The following PDE4D variants were observed in gnomAD, a reference collection of about 807,000 sequenced individuals.
PDE4D encodes 3',5'-cyclic-AMP phosphodiesterase 4D.
In PDE4D, 24 loss-of-function variants were observed where a neutral mutation model predicts 87.4. That is an observed-to-expected ratio of 0.27 (90% confidence interval 0.20 to 0.39). The LOEUF (loss-of-function observed/expected upper bound fraction) is 0.39. Ranked by LOEUF, PDE4D falls within the 10% of genes least tolerant of loss-of-function variation. The pLI, the probability that PDE4D is intolerant of heterozygous loss-of-function variation, is 1.00. For missense variants in PDE4D, 714 were observed against 1,041.0 expected (o/e 0.69, Z 4.32); for synonymous variants, 384 against 383.2 (o/e 1.00, Z -0.02).
chr5:60,233,594 A>G (rs539732598), intron 1 of PDE4D, among the ~76,000 whole-genome samples: 1 of 151,906 alleles, frequency 6.6e-6, no homozygotes, highest in African/African-American at 2.4e-5. Flanking sequence ...ATTTTAACAT[A>G]ATAGAATAGG....
chr5:59,771,555 G>A (rs1763589144), intron 1 of PDE4D, among the ~76,000 whole-genome samples: 1 of 74,992 alleles, frequency 1.3e-5, no homozygotes, highest in African/African-American at 4.8e-5. Context: ...AGAAAGAAAA[G>A]AAAGAATGAT....
intron 1 of PDE4D, among the ~76,000 whole-genome samples, chr5:59,263,885 T>C (rs578242832): frequency 2.0e-4 from 30 of 152,014 alleles, no homozygotes; most frequent in Non-Finnish European, 4.0e-4. Context: ...CTATTTTTAA[T>C]CTGGGTGGTG....
chr5:60,135,220 C>T lies in PDE4D; in HGVS notation c.42+50337G>A, dbSNP rs548275965. On this transcript the variant is annotated intron_variant, in intron 2 of 16. Transcript: ENST00000502484. ...CAACTATAAGGTGCCAACTATGAAC[C>T]AGAAAGCACACCCTCACCAGACATC... Among the ~76,000 whole-genome samples, 3 of 152,296 alleles carry T rather than the reference C, an allele frequency of 2.0e-5. No individual in the cohort carries two copies. In the East Asian group the frequency reaches 5.8e-4, roughly 29 times the overall value.
intron 1 of PDE4D, among the ~76,000 whole-genome samples, chr5:60,441,669 A>C (rs557876279): frequency 6.6e-6 from 1 of 152,296 alleles, no homozygotes; most frequent in South Asian, 2.1e-4. Flanking sequence ...AGTGGGAGAA[A>C]ATTTTTGCAA....
intron 3 of PDE4D, among the ~76,000 whole-genome samples, chr5:59,904,948 G>T (rs1420122028): frequency 6.6e-6 from 1 of 152,100 alleles, no homozygotes; most frequent in East Asian, 1.9e-4. Context: ...GAATTCACAA[G>T]TCACGGCAGA....
At chr5:59,356,657 G>A in intron 1 of PDE4D, 2 of 854,766 alleles carry the variant, frequency 2.3e-6, no homozygotes, top group South Asian at 1.8e-5. Flanking sequence ...AATTTAACAA[G>A]CATTAGGAGT....
intron 1 of PDE4D, among the ~76,000 whole-genome samples, chr5:60,255,370 A>G (rs1328775219): frequency 6.6e-6 from 1 of 151,824 alleles, no homozygotes; most frequent in Non-Finnish European, 1.5e-5. Flanking sequence ...GACCAACACT[A>G]CTAACTCATT....
intron 1 of PDE4D, among the ~76,000 whole-genome samples, chr5:60,218,826 C>G (rs758655970): frequency 5.9e-5 from 9 of 152,032 alleles, no homozygotes; most frequent in Non-Finnish European, 8.8e-5. Flanking sequence ...TTACATGCTC[C>G]TTGAAAATCA....
intron 1 of PDE4D, among the ~76,000 whole-genome samples, chr5:59,273,295 G>T (rs1412149758): frequency 6.6e-6 from 1 of 151,996 alleles, no homozygotes; most frequent in Admixed American, 6.6e-5. Context: ...AAGAAGAGAG[G>T]CCGTTTGGGT....
intron 1 of PDE4D, among the ~76,000 whole-genome samples, chr5:60,389,528 T>C (rs1369227139): frequency 1.3e-5 from 2 of 152,170 alleles, no homozygotes; most frequent in Non-Finnish European, 2.9e-5. Context: ...TAAAACTTAG[T>C]AGCTGAAAGT....
At chr5:60,083,923 C>T (rs1273856404) in intron 2 of PDE4D, among the ~76,000 whole-genome samples, 1 of 152,068 alleles carries the variant, frequency 6.6e-6, no homozygotes, top group Non-Finnish European at 1.5e-5. Context: ...AGCTCTTGAC[C>T]CCATTTAGCT....
chr5:59,917,266 T>G (rs1754169651), intron 3 of PDE4D, among the ~76,000 whole-genome samples: 1 of 152,158 alleles, frequency 6.6e-6, no homozygotes, highest in South Asian at 2.1e-4. Context: ...TTCTGATCTG[T>G]GTCATTAACC....
At chr5:60,109,033 T>A (rs1251623863) in intron 2 of PDE4D, among the ~76,000 whole-genome samples, 1 of 151,866 alleles carries the variant, frequency 6.6e-6, no homozygotes, top group Non-Finnish European at 1.5e-5. Context: ...ACTAAAGAGC[T>A]TCTGCACAGC....
At chr5:59,671,309 A>G (rs1747159373) in intron 1 of PDE4D, among the ~76,000 whole-genome samples, 1 of 152,200 alleles carries the variant, frequency 6.6e-6, no homozygotes, top group Non-Finnish European at 1.5e-5. Context: ...CCATTTGAAA[A>G]AAAATAGTAA....
intron 1 of PDE4D, among the ~76,000 whole-genome samples, chr5:59,631,197 C>T (rs751573473): frequency 3.9e-5 from 6 of 152,104 alleles, no homozygotes; most frequent in Non-Finnish European, 7.4e-5. Context: ...ATTATTACAA[C>T]TGCCATCTTC....
intron 1 of PDE4D, among the ~76,000 whole-genome samples, chr5:60,234,874 A>C (rs1746247774): frequency 6.6e-6 from 1 of 151,828 alleles, no homozygotes; most frequent in South Asian, 2.1e-4. Flanking sequence ...ATTGATGCCA[A>C]AATTACTGAT....
At chr5:59,588,678 G>A (rs1825534672) in intron 1 of PDE4D, among the ~76,000 whole-genome samples, 1 of 152,112 alleles carries the variant, frequency 6.6e-6, no homozygotes, top group African/African-American at 2.4e-5. Flanking sequence ...ATCAAAAGAT[G>A]ATCCTAAAAG....
intron 1 of PDE4D, among the ~76,000 whole-genome samples, chr5:59,725,267 C>T (rs1296980328): frequency 6.6e-6 from 1 of 152,108 alleles, no homozygotes; most frequent in Admixed American, 6.6e-5. Context: ...TTTGCATTCT[C>T]CACACTGTTT....
chr5:60,217,029 T>C (rs2149587399), intron 1 of PDE4D, among the ~76,000 whole-genome samples: 1 of 152,204 alleles, frequency 6.6e-6, no homozygotes, highest in African/African-American at 2.4e-5. Context: ...ACAAACATGG[T>C]AAGCCAGAAT....
Sources: gnomAD v4.1 joint callset for allele counts (sites outside exome capture counted in the v4.1 genomes callset) on GRCh38, gnomAD v4.1.1 for gene constraint, MANE v1.5 for transcripts, NCBI Gene and HGNC (gene_info 2026-07-23, HGNC 2026-07-21) for gene names.